Variants in EVC2 observed in about 807,000 individuals in gnomAD.
The protein encoded by EVC2 is EvC ciliary complex subunit 2.
Under a neutral mutation model 149.3 loss-of-function variants are expected in EVC2, and 148 were observed. The observed-to-expected ratio is 0.99, with a 90% confidence interval of 0.87 to 1.14. The LOEUF is 1.14. Ranked by LOEUF, EVC2 falls within the 50% of genes most tolerant of loss-of-function variation. The pLI, the probability that EVC2 is intolerant of heterozygous loss-of-function variation, is 0.00. For missense variants in EVC2, 1,854 were observed against 1,627.3 expected, an observed-to-expected ratio of 1.14 and a Z score of -2.40; for synonymous variants, 776 against 649.9, an observed-to-expected ratio of 1.19 and a Z score of -2.95.
intron 16 of EVC2, among the ~76,000 whole-genome samples, chr4:5,585,855 G>A (rs1262234930): frequency 5.3e-5 from 8 of 151,804 alleles, no homozygotes; most frequent in African/African-American, 1.9e-4. Flanking sequence ...TTATCTAGCT[G>A]TTGTATTTTA....
At chr4:5,652,384 A>C (rs2108881257) in intron 9 of EVC2, among the ~76,000 whole-genome samples, 1 of 152,330 alleles carries the variant, frequency 6.6e-6, no homozygotes, top group Admixed American at 6.5e-5. Flanking sequence ...TTAAGGACAG[A>C]CGCACCCTCC....
downstream of EVC2, among the ~76,000 whole-genome samples, chr4:5,538,206 C>A (rs1334354594): frequency 6.6e-6 from 1 of 152,026 alleles, no homozygotes; most frequent in Non-Finnish European, 1.5e-5. Context: ...TTATGAACAG[C>A]TTTATGCCAG....
intron 1 of EVC2, among the ~76,000 whole-genome samples, chr4:5,706,090 T>C (rs941187179): frequency 3.9e-5 from 6 of 151,946 alleles, no homozygotes; most frequent in Admixed American, 6.6e-5. Context: ...TTCCTCCACT[T>C]GGGATGTTCT....
chr4:5,652,692 G>A (rs1457806773), intron 9 of EVC2, among the ~76,000 whole-genome samples: 4 of 152,138 alleles, frequency 2.6e-5, no homozygotes, highest in Admixed American at 1.3e-4. Context: ...GGATTCTTGT[G>A]ACTCACCTCA....
chr4:5,555,467 T>C (rs374404947), intron 21 of EVC2, among the ~76,000 whole-genome samples: 4 of 152,134 alleles, frequency 2.6e-5, no homozygotes, highest in Non-Finnish European at 5.9e-5. Context: ...GAGAAAGATA[T>C]ACCTTGCTAA....
intron 16 of EVC2, among the ~76,000 whole-genome samples, chr4:5,595,166 T>G (rs991656508): frequency 2.0e-5 from 3 of 152,144 alleles, no homozygotes; most frequent in Admixed American, 6.5e-5. Flanking sequence ...CCAGGAGAAC[T>G]TCCCCAATCT....
chr4:5,535,584 G>C, the EVC2 span, among the ~76,000 whole-genome samples: 1 of 123,238 alleles, frequency 8.1e-6, no homozygotes, highest in Non-Finnish European at 1.7e-5. This position sits in a 1 kb window ranked among gnomAD's most constrained non-coding sequence, Gnocchi z 4.7. Context: ...ATGGTCCTTG[G>C]TGTGTGCATG....
Position 5,689,362 on chromosome 4 carries a change from G to A in EVC2, c.520-19C>T. 1 of 1,613,536 alleles carries A rather than the reference G, an allele frequency of 6.2e-7. No homozygotes were observed. Among genetic ancestry groups the A allele is most frequent in the Non-Finnish European group, 8.5e-7 (1 of 1,179,960 alleles). ...CAGACACCTAGGGCAGAAGGAGAAG[G>A]CATGAGGGCAGATTTGCTGACAAGT... On this transcript the variant is annotated intron_variant, in intron 4 of 21. Transcript: ENST00000344408.
At chr4:5,587,038 T>C (rs1402037598) in intron 16 of EVC2, among the ~76,000 whole-genome samples, 1 of 152,252 alleles carries the variant, frequency 6.6e-6, no homozygotes, top group Non-Finnish European at 1.5e-5. Context: ...TGTCACACAT[T>C]TAATTGTACA....
chr4:5,577,394 G>A (rs1174140089), intron 17 of EVC2, among the ~76,000 whole-genome samples: 2 of 152,176 alleles, frequency 1.3e-5, no homozygotes, highest in Non-Finnish European at 2.9e-5. Context: ...GAGGGCCCCA[G>A]GCCTTGGAGA....
chr4:5,586,038 T>C (rs1452645191), intron 16 of EVC2, among the ~76,000 whole-genome samples: 1 of 152,066 alleles, frequency 6.6e-6, no homozygotes, highest in Non-Finnish European at 1.5e-5. Flanking sequence ...ATTTTTGTAA[T>C]TTTAGTAGAG....
chr4:5,636,048 G>A lies in EVC2; in HGVS notation c.1471-4016C>T, dbSNP rs1169975282. Among the ~76,000 whole-genome samples the A allele has an allele frequency of 6.6e-6, 1 of 152,176 alleles. No individual in the cohort carries two copies. The highest frequency in any genetic ancestry group is 1.9e-4 in the East Asian group (1 of 5,194). ...CAAGGTTGACTCAGCGCCGAGCAAT[G>A]GCTGAAGTACTATACGAGAATTAAC... On this transcript the variant is annotated intron_variant, in intron 10 of 21. Transcript: ENST00000344408. This position sits in a 1 kb window ranked among gnomAD's most constrained non-coding sequence, Gnocchi z 4.6.
chr4:5,638,757 C>G (rs527526166), intron 10 of EVC2, among the ~76,000 whole-genome samples: 1 of 152,094 alleles, frequency 6.6e-6, no homozygotes, highest in Non-Finnish European at 1.5e-5. Context: ...TTATAAGAGA[C>G]AGGAGATGAG....
intron 20 of EVC2, among the ~76,000 whole-genome samples, chr4:5,566,380 A>G (rs1318747387): frequency 2.0e-5 from 3 of 152,066 alleles, no homozygotes; most frequent in Non-Finnish European, 4.4e-5. Flanking sequence ...TGGAGCAGAG[A>G]AGGGCGGTCT....
intron 4 of EVC2, 130 bp downstream of exon 4, chr4:5,691,135 T>C: frequency 2.6e-6 from 2 of 769,682 alleles, no homozygotes. Flanking sequence ...ATTTGTTCAT[T>C]GCTCATGTGT....
At chr4:5,612,922 C>CA (rs34505528) in intron 16 of EVC2, among the ~76,000 whole-genome samples, 787 of 26,656 alleles carry the variant, frequency 0.03, 60 homozygotes, top group African/African-American at 0.075. Flanking sequence ...ACTCTGTCTC[C>CA]AAAAAAAAAA....
chr4:5,663,936 GAA>G (rs542727943), intron 8 of EVC2, among the ~76,000 whole-genome samples: 1 of 152,028 alleles, frequency 6.6e-6, no homozygotes, highest in African/African-American at 2.4e-5. Context: ...AATAAAGAAA[GAA>G]AGAAAGAATA....
chr4:5,607,324 T>G (rs1714471799), intron 16 of EVC2, among the ~76,000 whole-genome samples: 1 of 152,206 alleles, frequency 6.6e-6, no homozygotes, highest in Admixed American at 6.5e-5. Flanking sequence ...TTCTACATTT[T>G]TTGATAGGAT....
At chr4:5,631,241 T>G (rs1716506827) in intron 11 of EVC2, among the ~76,000 whole-genome samples, 1 of 151,954 alleles carries the variant, frequency 6.6e-6, no homozygotes, top group African/African-American at 2.4e-5. Flanking sequence ...ATGTATATTT[T>G]ATTTGAGACA....
Sources: allele counts gnomAD v4.1 joint callset (sites outside exome capture counted in the v4.1 genomes callset), GRCh38; gene constraint gnomAD v4.1.1; non-coding constraint Gnocchi (gnomAD v3.1); transcripts MANE v1.5; gene names NCBI Gene and HGNC (gene_info 2026-07-23, HGNC 2026-07-21).